Variants in LAMP3 observed in about 807,000 individuals in gnomAD.
LAMP3 encodes lysosome associated membrane protein 3.
LAMP3 carries 26 observed loss-of-function variants against 34.8 expected under a neutral mutation model. That is an observed-to-expected ratio of 0.75 (90% CI 0.55 to 1.04). The LOEUF is 1.04. Among genes scored for constraint, LAMP3 ranks in the 50% least tolerant of loss-of-function variants. The probability of loss-of-function intolerance (pLI) is 0.00; values close to 1 mark genes in which losing one functional copy is unlikely to be tolerated. For missense variants in LAMP3, 495 were observed against 524.0 expected (o/e 0.94, Z 0.54); for synonymous variants, 180 against 201.9 (o/e 0.89, Z 0.92).
chr3:183,143,448 A>G (rs1720347378), intron 3 of LAMP3, among the ~76,000 whole-genome samples: 1 of 152,174 alleles, frequency 6.6e-6, no homozygotes, highest in African/African-American at 2.4e-5. Context: ...TCTTTAGAGT[A>G]AAGGAAAAGT....
chr3:183,127,975 T>C (rs1302522914), intron 5 of LAMP3, among the ~76,000 whole-genome samples: 1 of 151,690 alleles, frequency 6.6e-6, no homozygotes, highest in Non-Finnish European at 1.5e-5. Flanking sequence ...ACTAAAAATA[T>C]GAAAAATAAA....
chr3:183,156,776 GA>G (rs965698797), intron 1 of LAMP3, among the ~76,000 whole-genome samples: 56 of 152,222 alleles, frequency 3.7e-4, no homozygotes, highest in African/African-American at 1.3e-3. Context: ...TTCAAATGAG[GA>G]AACTCAGGCT....
At chr3:183,150,789 C>G (rs1022276938) in intron 3 of LAMP3, among the ~76,000 whole-genome samples, 43 of 152,042 alleles carry the variant, frequency 2.8e-4, no homozygotes, top group African/African-American at 1.0e-3. Context: ...GTCTCAAACT[C>G]CTGGCCTCGA....
chr3:183,127,412 A>G lies in LAMP3; in HGVS notation c.1118-3198T>C, dbSNP rs1461319095. Among the ~76,000 whole-genome samples, 4 of 152,046 alleles carry G rather than the reference A, an allele frequency of 2.6e-5. No homozygotes were observed. In the East Asian group the frequency reaches 7.7e-4, roughly 29 times the overall value. On this transcript the variant is annotated intron_variant, in intron 5 of 5. Transcript: ENST00000265598. ...GGCCTCCCAAAGTTTCAGGTGTGAGACACTGTGCCCAGACAACTCCAAATT... is the reference window on the plus strand; with the variant it reads ...GGCCTCCCAAAGTTTCAGGTGTGAGGCACTGTGCCCAGACAACTCCAAATT...
rs1189555433 is a variant in LAMP3 at position 183,154,340 on chromosome 3, C to T, written c.101G>A (p.Arg34Lys). ...QMRAKAFPET[R>K]DYSQPTAAAT... ...TGCTGCAGTAGGTTGAGAATAATCT[C>T]TGGTTTCTGGAAATGCTTTTGCTCT... Residue 34 changes from arginine to lysine, a missense_variant, in exon 2 of 6, where the codon AGA becomes AAA. By Grantham distance (26) the Arg-to-Lys change is conservative. Coordinates refer to ENST00000265598, the MANE Select transcript of LAMP3 (RefSeq NM_014398.4). 1 of 1,609,724 alleles carries T rather than the reference C, an allele frequency of 6.2e-7. No individual in the cohort carries two copies. The highest frequency in any genetic ancestry group is 1.3e-5 in the African/African-American group (1 of 74,712).
intron 5 of LAMP3, among the ~76,000 whole-genome samples, chr3:183,124,990 C>A (rs1464494170): frequency 2.0e-5 from 3 of 152,022 alleles, no homozygotes; most frequent in Non-Finnish European, 4.4e-5. Context: ...GAAAACAGAC[C>A]AAATTATTTA....
At chr3:183,148,771 T>G (rs1720523724) in intron 3 of LAMP3, among the ~76,000 whole-genome samples, 1 of 152,134 alleles carries the variant, frequency 6.6e-6, no homozygotes, top group African/African-American at 2.4e-5. Context: ...AGAACCAAGA[T>G]GGAGAAAAGT....
At chr3:183,126,215 C>G (rs1390969864) in intron 5 of LAMP3, among the ~76,000 whole-genome samples, 1 of 150,998 alleles carries the variant, frequency 6.6e-6, no homozygotes, top group Non-Finnish European at 1.5e-5. Context: ...AATAATATAG[C>G]CATTAAAAAG....
rs144818146 is a variant in LAMP3, at chr3:183,152,249, C to T, written c.888+126G>A. 539 of 1,076,168 alleles carry T rather than the reference C, an allele frequency of 5.0e-4. 3 individuals are homozygous for T. Among genetic ancestry groups the T allele is most frequent in the South Asian group, 3.8e-3 (217 of 56,494 alleles). The allele number at this position is 1,076,168 out of a possible 1,614,324, so 66.7% of individuals were successfully genotyped here. On this transcript the variant is annotated intron_variant, in intron 3 of 5. Transcript: ENST00000265598. Reference sequence around the variant, plus strand: ...TGTTGACACTTCCTCCTCTCCATCCCCAAACCCCTCATTCTTATCAGCAAA... The same window carrying T: ...TGTTGACACTTCCTCCTCTCCATCCTCAAACCCCTCATTCTTATCAGCAAA...
intron 3 of LAMP3, among the ~76,000 whole-genome samples, chr3:183,145,355 T>C (rs1435177855): frequency 6.6e-6 from 1 of 152,192 alleles, no homozygotes; most frequent in Admixed American, 6.6e-5. Flanking sequence ...TTACATTCTT[T>C]AGCTCAGCAC....
intron 5 of LAMP3, among the ~76,000 whole-genome samples, chr3:183,134,220 C>T (rs1438968980): frequency 2.0e-5 from 3 of 151,938 alleles, no homozygotes; most frequent in Non-Finnish European, 4.4e-5. Context: ...ATTGTTAGGG[C>T]TTTGTGACTA....
At chr3:183,148,003 C>T (rs751457706) in intron 3 of LAMP3, among the ~76,000 whole-genome samples, 3 of 152,120 alleles carry the variant, frequency 2.0e-5, no homozygotes, top group Non-Finnish European at 2.9e-5. Context: ...AGGTGTGAGT[C>T]ACCACTCCAG....
chr3:183,133,012 T>A, intron 5 of LAMP3: 1 of 851,342 alleles, frequency 1.2e-6, no homozygotes, highest in Non-Finnish European at 1.4e-6. Context: ...TGCTGGGAAG[T>A]GGCACTGCCA....
chr3:183,150,813 C>T (rs1360182230), intron 3 of LAMP3, among the ~76,000 whole-genome samples: 1 of 152,060 alleles, frequency 6.6e-6, no homozygotes, highest in African/African-American at 2.4e-5. Context: ...ATTCTTGAGC[C>T]ACTGTATCCA....
chr3:183,147,737 C>T (rs986064087), intron 3 of LAMP3, among the ~76,000 whole-genome samples: 1 of 151,940 alleles, frequency 6.6e-6, no homozygotes, highest in Non-Finnish European at 1.5e-5. Flanking sequence ...CTTTTAGAAA[C>T]GGAGTCTCAC....
chr3:183,145,709 G>T lies in LAMP3; in HGVS notation c.889-5114C>A, dbSNP rs959238818. Among the ~76,000 whole-genome samples the T allele has an allele frequency of 2.2e-4, 34 of 152,124 alleles. 1 individual carries two copies. The highest frequency in any genetic ancestry group is 7.7e-4 in the African/African-American group (32 of 41,516). On this transcript the variant is annotated intron_variant, in intron 3 of 5. Transcript: ENST00000265598. The stretch of plus-strand genomic sequence containing the variant: ...CGTCTCTACTAAAAAATACAAAAAT[G>T]AGCAGGGTGTGGTGGTGCACACCTG...
At chr3:183,125,676 G>A (rs147592839) in intron 5 of LAMP3, among the ~76,000 whole-genome samples, 162 of 152,280 alleles carry the variant, frequency 1.1e-3, no homozygotes, top group Non-Finnish European at 1.9e-3. Flanking sequence ...GGGCAGGGAG[G>A]CAGAGGGACA....
At chr3:183,137,912 C>T (rs1182686512) in intron 4 of LAMP3, among the ~76,000 whole-genome samples, 2 of 151,794 alleles carry the variant, frequency 1.3e-5, no homozygotes, top group African/African-American at 2.4e-5. Context: ...CTCTGCCTCC[C>T]GGGTTCAAGC....
At chr3:183,144,684 T>C (rs1400226083) in intron 3 of LAMP3, among the ~76,000 whole-genome samples, 1 of 152,058 alleles carries the variant, frequency 6.6e-6, no homozygotes, top group Non-Finnish European at 1.5e-5. Flanking sequence ...GGGTTCCAAA[T>C]GCCCCTCAAA....
Sources: gnomAD v4.1 joint callset for allele counts (sites outside exome capture counted in the v4.1 genomes callset) on GRCh38, gnomAD v4.1.1 for gene constraint, MANE v1.5 for transcripts, NCBI Gene and HGNC (gene_info 2026-07-23, HGNC 2026-07-21) for gene names.